The following ANO6 variants were observed in gnomAD, a reference collection of about 807,000 sequenced individuals.
The protein encoded by ANO6 is anoctamin 6, also known as anoctamin-6.
ANO6 carries 106 observed loss-of-function variants against 117.5 expected under a neutral mutation model. The ratio of observed to expected loss-of-function variants is 0.90; its 90% CI spans 0.77 to 1.06. The LOEUF (loss-of-function observed/expected upper bound fraction) is 1.06, where lower values mean the gene tolerates loss of function less well. ANO6 is among the 50% of genes least tolerant of loss of function. ANO6 has a pLI of 0.00. For missense variants in ANO6, 955 were observed against 1,121.1 expected, an observed-to-expected ratio of 0.85 and a Z score of 2.12; for synonymous variants, 367 against 385.1, an observed-to-expected ratio of 0.95 and a Z score of 0.55.
rs76855973 is a variant in ANO6 at position 45,218,390 on chromosome 12, CTTTTTTTTT to C, written c.70+2013_70+2021del. Among the ~76,000 whole-genome samples the C allele has an allele frequency of 1.7e-4, 19 of 110,134 alleles. No homozygotes were observed. The Admixed American group carries it at 1.8e-3, about 10-fold the overall frequency. 72.3% of individuals were successfully genotyped at this position (110,134 alleles called of 152,430 possible). A position where few individuals can be genotyped will look rare whatever the true frequency, so the allele number is the denominator to read the frequency against. ...ATGTGATTTCTGTTTCTTTCTTTCTCTTTTTTTTTTTTTTTTTTTTTTGAGATAGGGTCT... is the reference window on the plus strand; with the variant it reads ...ATGTGATTTCTGTTTCTTTCTTTCTCTTTTTTTTTTTTTGAGATAGGGTCT... On this transcript the variant is annotated intron_variant, in intron 1 of 19. Coordinates refer to ENST00000320560, the MANE Select transcript of ANO6 (RefSeq NM_001025356.3).
At chr12:45,400,648 G>T (rs4768609) in intron 12 of ANO6, among the ~76,000 whole-genome samples, 54,634 of 152,106 alleles carry the variant, frequency 0.36, 12,640 homozygotes, top group Non-Finnish European at 0.51. Flanking sequence ...AGGTGCCATA[G>T]TATTCCTAAT....
intron 2 of ANO6, among the ~76,000 whole-genome samples, chr12:45,308,943 T>C (rs1939763761): frequency 6.6e-6 from 1 of 151,656 alleles, no homozygotes; most frequent in African/African-American, 2.4e-5. Context: ...GCCCTAAAGA[T>C]GGAAGGAAGG....
intron 1 of ANO6, chr12:45,292,798 G>A (rs1365274841): frequency 6.7e-7 from 1 of 1,490,576 alleles, no homozygotes; most frequent in Admixed American, 2.3e-5. Flanking sequence ...ACTCTTCTCA[G>A]AAATATTGCT....
intron 8 of ANO6, among the ~76,000 whole-genome samples, chr12:45,367,414 A>C (rs538284612): frequency 6.6e-6 from 1 of 152,280 alleles, no homozygotes; most frequent in South Asian, 2.1e-4. Flanking sequence ...ATTTTACTTG[A>C]CATACAATGC....
At chr12:45,279,013 A>C (rs1390515794) in intron 1 of ANO6, among the ~76,000 whole-genome samples, 1 of 152,138 alleles carries the variant, frequency 6.6e-6, no homozygotes, top group Non-Finnish European at 1.5e-5. Flanking sequence ...CTTTTGTGTA[A>C]TCTGTCTTTT....
intron 1 of ANO6, among the ~76,000 whole-genome samples, chr12:45,297,681 G>A (rs1462723565): frequency 1.3e-5 from 2 of 152,050 alleles, no homozygotes; most frequent in Non-Finnish European, 2.9e-5. Context: ...GGACTTTATT[G>A]CTTCAATTTC....
At chr12:45,436,779 C>T (rs1943711779), downstream of ANO6, among the ~76,000 whole-genome samples, 1 of 152,150 alleles carries the variant, frequency 6.6e-6, no homozygotes, top group South Asian at 2.1e-4. Context: ...ACCAGCCTGG[C>T]CAACATGGTG....
intron 9 of ANO6, among the ~76,000 whole-genome samples, chr12:45,377,026 T>A (rs1295620470): frequency 1.3e-5 from 2 of 152,152 alleles, no homozygotes; most frequent in Non-Finnish European, 2.9e-5. Flanking sequence ...ACTAATATTT[T>A]TACATAGATG....
At chr12:45,400,030 G>A (rs1047250669) in intron 12 of ANO6, among the ~76,000 whole-genome samples, 3 of 152,280 alleles carry the variant, frequency 2.0e-5, no homozygotes, top group East Asian at 1.9e-4. Flanking sequence ...CATAAACCAC[G>A]TGGGAGGCAG....
intron 16 of ANO6, among the ~76,000 whole-genome samples, chr12:45,415,786 CAG>C (rs539629797): frequency 2.4e-4 from 36 of 152,312 alleles, no homozygotes; most frequent in African/African-American, 8.7e-4. Context: ...CCCTTCCTGA[CAG>C]AGTCATCCCT....
chr12:45,262,674 T>C (rs1027026523), intron 1 of ANO6, among the ~76,000 whole-genome samples: 1 of 152,186 alleles, frequency 6.6e-6, no homozygotes, highest in Non-Finnish European at 1.5e-5. Flanking sequence ...TCTGCCCGGC[T>C]CGGCCTCCCA....
downstream of ANO6, among the ~76,000 whole-genome samples, chr12:45,433,620 C>A (rs1478595650): frequency 6.6e-6 from 1 of 152,192 alleles, no homozygotes; most frequent in Non-Finnish European, 1.5e-5. Context: ...AGAATGTGAT[C>A]TTTGTCCCTG....
chr12:45,262,892 A>C (rs1259444671), intron 1 of ANO6, among the ~76,000 whole-genome samples: 2 of 152,338 alleles, frequency 1.3e-5, no homozygotes, highest in East Asian at 1.9e-4. Context: ...TTGTGGCGAA[A>C]GTAGTGAACA....
intron 10 of ANO6, among the ~76,000 whole-genome samples, chr12:45,379,341 G>A (rs1034649855): frequency 5.9e-5 from 9 of 152,134 alleles, no homozygotes; most frequent in Admixed American, 3.3e-4. Flanking sequence ...ATTTGTTGCC[G>A]CTCCACAGAT....
At chr12:45,318,018 T>C (rs1940113594) in intron 2 of ANO6, among the ~76,000 whole-genome samples, 1 of 152,242 alleles carries the variant, frequency 6.6e-6, no homozygotes, top group African/African-American at 2.4e-5. Context: ...AGATTTTGGA[T>C]ATTAGCCCTT....
In ANO6 at chr12:45,397,576, G is replaced by C. The variant is rs1249941923; in HGVS notation, c.1387-4219G>C. Reference sequence around the variant, plus strand: ...CACTATTCACAATAGCAAAGACTTGGAACCAACCCAAATGTCCACCAATGA... The same window carrying C: ...CACTATTCACAATAGCAAAGACTTGCAACCAACCCAAATGTCCACCAATGA... On this transcript the variant is annotated intron_variant, in intron 12 of 19. Coordinates refer to ENST00000320560, the MANE Select transcript of ANO6 (RefSeq NM_001025356.3). Among the ~76,000 whole-genome samples, 5 of 152,260 alleles carry C rather than the reference G, an allele frequency of 3.3e-5. 1 individual carries two copies. The highest frequency in any genetic ancestry group is 2.6e-4 in the Admixed American group (4 of 15,290).
intron 1 of ANO6, among the ~76,000 whole-genome samples, chr12:45,227,310 A>AAAAGT (rs1431204348): frequency 6.6e-6 from 1 of 152,248 alleles, no homozygotes; most frequent in Non-Finnish European, 1.5e-5. Context: ...AAGAAGAAAG[A>AAAAGT]AAAGTAAAAG....
At chr12:45,297,277 G>A (rs979625551) in intron 1 of ANO6, among the ~76,000 whole-genome samples, 12 of 152,250 alleles carry the variant, frequency 7.9e-5, no homozygotes, top group African/African-American at 2.9e-4. Context: ...GTGCTAAGTT[G>A]GATAAATTGT....
chr12:45,406,477 G>A (rs1942938351), intron 15 of ANO6, among the ~76,000 whole-genome samples: 1 of 152,248 alleles, frequency 6.6e-6, no homozygotes, highest in South Asian at 2.1e-4. Flanking sequence ...CAAAATGTCT[G>A]TAGTATCAAT....
Sources: allele counts gnomAD v4.1 joint callset (sites outside exome capture counted in the v4.1 genomes callset), GRCh38; gene constraint gnomAD v4.1.1; transcripts MANE v1.5; gene names NCBI Gene and HGNC (gene_info 2026-07-23, HGNC 2026-07-21).